The following ZMAT4 variants were observed in gnomAD, a reference collection of about 807,000 sequenced individuals.
The protein encoded by ZMAT4 is zinc finger matrin-type protein 4.
A neutral mutation model predicts 28.7 loss-of-function variants in ZMAT4; 17 were observed. That is an observed-to-expected ratio of 0.59 (90% CI 0.41 to 0.89). ZMAT4 has a LOEUF of 0.89. Among genes scored for constraint, ZMAT4 ranks in the 40% least tolerant of loss-of-function variants. The pLI is 0.00. For missense variants in ZMAT4, 240 were observed against 283.8 expected (o/e 0.85, Z 1.11); for synonymous variants, 117 against 109.2 (o/e 1.07, Z -0.44).
chr8:40,619,637 A>G (rs2722437), intron 5 of ZMAT4, among the ~76,000 whole-genome samples: 147,263 of 152,294 alleles, frequency 0.97, 71,399 homozygotes, highest in East Asian at 1. Context: ...GCAAGGTCCA[A>G]GTAGGCAGGC....
chr8:40,701,894 T>C (rs961384003), intron 3 of ZMAT4, among the ~76,000 whole-genome samples: 1 of 152,128 alleles, frequency 6.6e-6, no homozygotes, highest in African/African-American at 2.4e-5. Context: ...CTCTAGATTA[T>C]ATCATCTGCT....
At chr8:40,769,242 A>G (rs1402625776) in intron 2 of ZMAT4, among the ~76,000 whole-genome samples, 10 of 152,188 alleles carry the variant, frequency 6.6e-5, no homozygotes, top group Non-Finnish European at 5.9e-5. Context: ...TTTTAATCAA[A>G]GGTCATCTGG....
chr8:40,820,780 TGG>T lies in ZMAT4; in HGVS notation c.102+4793_102+4794del, dbSNP rs1815759152. Among the ~76,000 whole-genome samples, 7 of 149,478 alleles carry T rather than the reference TGG, an allele frequency of 4.7e-5. No individual in the cohort carries two copies. The South Asian group carries it at 8.6e-4, about 18-fold the overall frequency. On this transcript the variant is annotated intron_variant, in intron 2 of 6. Transcript: ENST00000297737. ...GCATATGCATGTGTATATGTGTTTA[TGG>T]GTGTGTCTGTGTGTGTATATATGTG... is the stretch of plus-strand genomic sequence containing the variant.
chr8:40,679,467 A>G (rs180901432), intron 4 of ZMAT4, among the ~76,000 whole-genome samples: 46 of 152,302 alleles, frequency 3.0e-4, no homozygotes, highest in Non-Finnish European at 5.9e-4. Context: ...CAGGAAACTT[A>G]CAATCATGGC....
At chr8:40,820,481 T>C (rs1201456215) in intron 2 of ZMAT4, among the ~76,000 whole-genome samples, 1 of 150,118 alleles carries the variant, frequency 6.7e-6, no homozygotes, top group Non-Finnish European at 1.5e-5. Context: ...TGTGTTTATG[T>C]GTATGTGTGT....
rs540804122 is a variant in ZMAT4, at chr8:40,817,642, A to G, written c.102+7933T>C. On this transcript the variant is annotated intron_variant, in intron 2 of 6. Coordinates refer to ENST00000297737, the MANE Select transcript of ZMAT4 (RefSeq NM_024645.3). ...ACCATTGAAAAGTGTAGGGGAAAGCAGTAGTATTTCTCTTTTGCTCATAGG... is the reference window on the plus strand; with the variant it reads ...ACCATTGAAAAGTGTAGGGGAAAGCGGTAGTATTTCTCTTTTGCTCATAGG... Among the ~76,000 whole-genome samples the G allele has an allele frequency of 4.6e-5, 7 of 152,274 alleles. No individual in the cohort carries two copies. In the South Asian group the frequency reaches 1.5e-3, roughly 32 times the overall value.
intron 2 of ZMAT4, among the ~76,000 whole-genome samples, chr8:40,804,466 T>C (rs75155803): frequency 0.022 from 3,379 of 152,296 alleles, 62 homozygotes; most frequent in Non-Finnish European, 0.036. Context: ...TCAGTCAATC[T>C]ATCTATCTAA....
chr8:40,549,653 C>CA lies in ZMAT4; in HGVS notation c.675-17416dup, dbSNP rs550846727. 9.7e-4 allele frequency among the ~76,000 whole-genome samples: 147 copies of CA among 152,236 alleles called. 1 individual carries two copies. Among genetic ancestry groups the CA allele is most frequent in the African/African-American group, 3.4e-3 (143 of 41,558 alleles). ...TTTTTAGCTTCCACATTTCCACTGT[C>CA]ACTGCTATAGTTCAAAACATACTCT... On this transcript the variant is annotated intron_variant, in intron 6 of 6. Transcript: ENST00000297737.
chr8:40,812,216 G>A (rs1023938293), intron 2 of ZMAT4, among the ~76,000 whole-genome samples: 1 of 152,130 alleles, frequency 6.6e-6, no homozygotes, highest in East Asian at 1.9e-4. Flanking sequence ...GAAAGAGAAG[G>A]ACTGGAGTGA....
intron 5 of ZMAT4, among the ~76,000 whole-genome samples, chr8:40,609,427 T>C (rs545571612): frequency 6.6e-6 from 1 of 152,122 alleles, no homozygotes; most frequent in South Asian, 2.1e-4. Flanking sequence ...CTCTACCCAT[T>C]GTCCCCTGGT....
At chr8:40,858,298 T>C (rs904618500) in intron 1 of ZMAT4, among the ~76,000 whole-genome samples, 3 of 152,188 alleles carry the variant, frequency 2.0e-5, no homozygotes, top group South Asian at 2.1e-4. Flanking sequence ...TCACCTTTTA[T>C]GAAACACTCT....
At chr8:40,789,309 T>C (rs896919772) in intron 2 of ZMAT4, among the ~76,000 whole-genome samples, 21 of 152,174 alleles carry the variant, frequency 1.4e-4, no homozygotes, top group Non-Finnish European at 3.1e-4. Context: ...AGACTGAATG[T>C]TTTTTCCAAG....
At chr8:40,881,594 G>GAAAGAAAGA (rs1257055951) in intron 1 of ZMAT4, among the ~76,000 whole-genome samples, 57 of 108,616 alleles carry the variant, frequency 5.2e-4, no homozygotes, top group Non-Finnish European at 8.7e-4. Context: ...AAGAAAGAAA[G>GAAAGAAAGA]AAAGAAAAGA....
At chr8:40,656,967 T>G (rs1167756295) in intron 5 of ZMAT4, among the ~76,000 whole-genome samples, 1 of 152,164 alleles carries the variant, frequency 6.6e-6, no homozygotes, top group African/African-American at 2.4e-5. Flanking sequence ...TAAAAACCAG[T>G]GAAATGTATA....
At chr8:40,806,238 G>A (rs1815080092) in intron 2 of ZMAT4, among the ~76,000 whole-genome samples, 1 of 152,156 alleles carries the variant, frequency 6.6e-6, no homozygotes. Context: ...TACTCACTGG[G>A]GCACTTGGAG....
At chr8:40,556,186 C>T (rs1372958011) in intron 6 of ZMAT4, among the ~76,000 whole-genome samples, 2 of 152,112 alleles carry the variant, frequency 1.3e-5, no homozygotes, top group South Asian at 4.2e-4. Flanking sequence ...AGCACCCATG[C>T]TCATGGTTTT....
At chr8:40,582,514 C>A (rs1205592785) in intron 5 of ZMAT4, among the ~76,000 whole-genome samples, 5 of 152,010 alleles carry the variant, frequency 3.3e-5, no homozygotes, top group African/African-American at 1.2e-4. Flanking sequence ...CATATATATA[C>A]AACAATGTTT....
rs565780856 is a variant in ZMAT4 at position 40,823,087 on chromosome 8, G to T, written c.102+2488C>A. 4.9e-4 allele frequency among the ~76,000 whole-genome samples: 75 copies of T among 152,106 alleles called. 2 individuals carry two copies. The South Asian group carries it at 0.015, about 31-fold the overall frequency. The stretch of plus-strand genomic sequence containing the variant: ...TCAATGTTCTGACGTTACTTTTCTA[G>T]TCAGGCAGTGTGGGGCAGGGTCACC... On this transcript the variant is annotated intron_variant, in intron 2 of 6. Coordinates refer to ENST00000297737, the MANE Select transcript of ZMAT4 (RefSeq NM_024645.3).
At chr8:40,680,599 TG>T (rs749497202) in intron 4 of ZMAT4, among the ~76,000 whole-genome samples, 2 of 152,136 alleles carry the variant, frequency 1.3e-5, no homozygotes, top group Non-Finnish European at 2.9e-5. Flanking sequence ...CCTGCCTGTC[TG>T]CCTTCTAGGC....
Sources: gnomAD v4.1 joint callset for allele counts (sites outside exome capture counted in the v4.1 genomes callset) on GRCh38, gnomAD v4.1.1 for gene constraint, MANE v1.5 for transcripts, NCBI Gene and HGNC (gene_info 2026-07-23, HGNC 2026-07-21) for gene names.